SLCO2B1: variants seen among roughly 807,000 people sequenced by gnomAD.
SLCO2B1 encodes the protein solute carrier organic anion transporter family member 2B1, also known as OATP-RP2.
A neutral mutation model predicts 67.3 loss-of-function variants in SLCO2B1; 41 were observed. The ratio of observed to expected loss-of-function variants is 0.61; its 90% CI spans 0.47 to 0.79. The LOEUF (loss-of-function observed/expected upper bound fraction) is 0.79, where lower values mean the gene tolerates loss of function less well. SLCO2B1 is among the 30% of genes least tolerant of loss of function. The probability of loss-of-function intolerance (pLI) is 0.00; values close to 1 mark genes in which losing one functional copy is unlikely to be tolerated. For missense variants in SLCO2B1, 837 were observed against 920.1 expected, an observed-to-expected ratio of 0.91 and a Z score of 1.17; for synonymous variants, 379 against 381.4, an observed-to-expected ratio of 0.99 and a Z score of 0.07.
chr11:75,169,159 T>A lies in SLCO2B1; in HGVS notation c.449-14T>A. 6.3e-7 allele frequency: 1 copy of A among 1,595,934 alleles called. No individual in the cohort carries two copies. Among genetic ancestry groups the A allele is most frequent in the East Asian group, 2.2e-5 (1 of 44,458 alleles). On this transcript the variant is annotated splice_polypyrimidine_tract_variant and intron_variant, in intron 4 of 13. Transcript: ENST00000289575. ...TAGCTATTGTTATAATATTTTTTCA[T>A]TGTCGTCTCTCAGAGGATATGCCAC...
At chr11:75,162,846 G>C (rs1230345246) in intron 2 of SLCO2B1, 61 bp downstream of exon 2, 1 of 1,563,102 alleles carries the variant, frequency 6.4e-7, no homozygotes, top group Non-Finnish European at 8.7e-7. Context: ...GCCACGTGCT[G>C]GTGGTGTAAT....
intron 9 of SLCO2B1, among the ~76,000 whole-genome samples, chr11:75,195,875 C>T (rs933982023): frequency 6.6e-6 from 1 of 152,326 alleles, no homozygotes; most frequent in Non-Finnish European, 1.5e-5. Flanking sequence ...CCCCCTCAGA[C>T]TAAGCCTCCC....
rs142700667 is a variant in SLCO2B1 at position 75,204,572 on chromosome 11, C to T, written c.2122C>T (p.Arg708Ter). The change falls in exon 14 of 14, where the codon CGA becomes TGA. Residue 708 changes from arginine (R) to a stop codon, truncating the protein, a stop_gained. Transcript: ENST00000289575. LOFTEE classifies it high-confidence loss of function. Reference protein sequence around the residue: ...SGPGKKPEDSRV With the variant: ...SGPGKKPEDS The stretch of plus-strand genomic sequence containing the variant: ...GCCAGGGAAGAAGCCAGAGGATTCC[C>T]GAGTGTGAGCTGTCTTGGGGCCCCA... 54 of 1,607,518 alleles carry T rather than the reference C, an allele frequency of 3.4e-5. No individual in the cohort carries two copies. In the African/African-American group the frequency reaches 4.9e-4, roughly 15 times the overall value.
At position 75,163,985 on chromosome 11, in the gene SLCO2B1, T is replaced by C; in HGVS notation, c.170T>C (p.Leu57Pro). The part of the protein sequence containing the change: ...NIKLFVLCHS[L>P]LQLAQLMISG... The stretch of plus-strand genomic sequence containing the variant: ...CAGCTGTTCGTTCTGTGCCACAGCC[T>C]GCTGCAGCTGGCGCAGCTCATGATC... Residue 57 changes from leucine (L) to proline (P), a missense_variant, in exon 3 of 14, where the codon CTG becomes CCG. Coordinates refer to ENST00000289575, the MANE Select transcript of SLCO2B1 (RefSeq NM_007256.5). The C allele has an allele frequency of 6.2e-7, 1 of 1,603,596 alleles. No individual in the cohort carries two copies. The highest frequency in any genetic ancestry group is 8.5e-7 in the Non-Finnish European group (1 of 1,175,300).
intron 2 of SLCO2B1, 108 bp from the exon 3 acceptor site, chr11:75,163,855 G>A: frequency 2.3e-6 from 3 of 1,301,946 alleles, no homozygotes; most frequent in Non-Finnish European, 3.1e-6. Context: ...GTCTCTTTCT[G>A]TGACTCTGTT....
At chr11:75,185,420 C>T (rs1030489109) in intron 7 of SLCO2B1, among the ~76,000 whole-genome samples, 44 of 151,972 alleles carry the variant, frequency 2.9e-4, no homozygotes, top group African/African-American at 1.0e-3. Flanking sequence ...GCCTTGCCTG[C>T]GCACCACTCC....
rs1945056256 is a variant in SLCO2B1, at chr11:75,193,465, A to G, written c.1323A>G (p.Gly441=). 3.1e-6 allele frequency: 5 copies of G among 1,612,102 alleles called. No individual in the cohort carries two copies. The highest frequency in any genetic ancestry group is 1.3e-5 in the African/African-American group (1 of 75,012). ...AGCGGCTCCACCTGGGCCCTGTGGG[A>G]TGCGGTGCCCTTTGCCTGCTGGGGA... ...LVKRLHLGPV[G]CGALCLLGML... is the part of the protein sequence containing the mutation. The change falls in exon 9 of 14, where the codon GGA becomes GGG. Residue 441 remains glycine, a synonymous_variant. Transcript: ENST00000289575. This position sits in a 1 kb window ranked among gnomAD's most constrained non-coding sequence, Gnocchi z 4.2.
In SLCO2B1 at chr11:75,172,559, C is replaced by T. The variant is rs779228894; in HGVS notation, c.962C>T (p.Pro321Leu). The change falls in exon 7 of 14, where the codon CCT (proline) becomes CTT (leucine). Residue 321 changes from proline to leucine, a missense_variant. Coordinates refer to ENST00000289575, the MANE Select transcript of SLCO2B1 (RefSeq NM_007256.5). ...AAGGTCTTAGCAGTCACAGACTCACCTGCCAGGAAGGTAAGCTCCCTCCAT... is the reference window on the plus strand; with the variant it reads ...AAGGTCTTAGCAGTCACAGACTCACTTGCCAGGAAGGTAAGCTCCCTCCAT... The part of the protein sequence containing the change: ...RRKVLAVTDS[P>L]ARKGKDSPSK... 24 of 1,613,582 alleles carry T rather than the reference C, an allele frequency of 1.5e-5. No homozygotes were observed. The highest frequency in any genetic ancestry group is 2.2e-5 in the East Asian group (1 of 44,884).
chr11:75,196,452 C>A, intron 9 of SLCO2B1, 62 bp from the exon 10 acceptor site: 1 of 1,537,178 alleles, frequency 6.5e-7, no homozygotes, highest in East Asian at 2.3e-5. Context: ...GCCGAGGATG[C>A]CCCAGCTAGT....
chr11:75,156,245 C>T (rs1408404591), intron 1 of SLCO2B1, among the ~76,000 whole-genome samples: 6 of 152,148 alleles, frequency 3.9e-5, no homozygotes, highest in Non-Finnish European at 7.3e-5. Flanking sequence ...ACATGATCCA[C>T]CAGGACTGGG....
intron 4 of SLCO2B1, 68 bp downstream of exon 4, chr11:75,166,017 C>G (rs1175898822): frequency 2.6e-6 from 4 of 1,519,910 alleles, no homozygotes; most frequent in Non-Finnish European, 3.6e-6. Flanking sequence ...TGGGGCCCAC[C>G]CCACAGGCAT....
At chr11:75,173,815 T>C (rs1248750064) in intron 7 of SLCO2B1, among the ~76,000 whole-genome samples, 1 of 152,062 alleles carries the variant, frequency 6.6e-6, no homozygotes, top group Non-Finnish European at 1.5e-5. Context: ...TTAAAGTTTA[T>C]TTATTTATTT....
Position 75,180,078 on chromosome 11 carries a change from C to T in SLCO2B1, c.972+7509C>T, listed in dbSNP as rs187858180. ...TGTCACCCAGGCTGGAGTGCAGTAGCGCAATCTTGGCTCACTGCAACCTCT... is the reference window on the plus strand; with the variant it reads ...TGTCACCCAGGCTGGAGTGCAGTAGTGCAATCTTGGCTCACTGCAACCTCT... On this transcript the variant is annotated intron_variant, in intron 7 of 13. Transcript: ENST00000289575. Among the ~76,000 whole-genome samples the T allele has an allele frequency of 3.9e-4, 60 of 152,210 alleles. No individual in the cohort carries two copies. The East Asian group carries it at 4.8e-3, about 12-fold the overall frequency.
intron 3 of SLCO2B1, 98 bp downstream of exon 3, chr11:75,164,198 C>T: frequency 7.5e-7 from 1 of 1,339,114 alleles, no homozygotes; most frequent in Non-Finnish European, 1.0e-6. Flanking sequence ...TAAGGCCTTC[C>T]CCTCCCAGTG....
intron 6 of SLCO2B1, 77 bp downstream of exon 6, chr11:75,169,841 A>C: frequency 8.1e-7 from 1 of 1,231,742 alleles, no homozygotes; most frequent in Non-Finnish European, 1.2e-6. Flanking sequence ...GAGCCAGGGG[A>C]CCTCGGTTCA....
At chr11:75,180,968 AC>A (rs1950084878) in intron 7 of SLCO2B1, among the ~76,000 whole-genome samples, 2 of 152,194 alleles carry the variant, frequency 1.3e-5, no homozygotes, top group African/African-American at 4.8e-5. Context: ...AAATGCATGG[AC>A]CCATAAAGAT....
At chr11:75,192,580 G>A (rs1344839127) in intron 8 of SLCO2B1, among the ~76,000 whole-genome samples, 1 of 152,036 alleles carries the variant, frequency 6.6e-6, no homozygotes, top group Non-Finnish European at 1.5e-5. Context: ...GAATGAATAC[G>A]TAGAGTAGAA....
chr11:75,159,965 G>A, intron 1 of SLCO2B1: 2 of 623,122 alleles, frequency 3.2e-6, no homozygotes, highest in South Asian at 7.0e-5. Flanking sequence ...GGGCTAGACA[G>A]GCTGGGGCAC....
In SLCO2B1 at chr11:75,165,697, A is replaced by T. The variant is rs2140309670; in HGVS notation, c.286-90A>T. On this transcript the variant is annotated intron_variant, in intron 3 of 13. Transcript: ENST00000289575. ...TATTCAGTCCATTATTCAGATGGGC[A>T]TACGGAAGTTAGACATAGAGACAAG... 5 of 1,348,834 alleles carry T rather than the reference A, an allele frequency of 3.7e-6. No homozygotes were observed. In the East Asian group the frequency reaches 1.2e-4, roughly 31 times the overall value. The allele number at this position is 1,348,834 out of a possible 1,614,324, so 83.6% of individuals were successfully genotyped here. A position where few individuals can be genotyped will look rare whatever the true frequency, so the allele number is the denominator to read the frequency against.
Sources: allele counts gnomAD v4.1 joint callset (sites outside exome capture counted in the v4.1 genomes callset), GRCh38; gene constraint gnomAD v4.1.1; non-coding constraint Gnocchi (gnomAD v3.1); transcripts MANE v1.5; gene names NCBI Gene and HGNC (gene_info 2026-07-23, HGNC 2026-07-21).